Variants in GRM8 observed in about 807,000 individuals in gnomAD.
GRM8 encodes the protein glutamate metabotropic receptor 8.
GRM8 carries 47 observed loss-of-function variants against 87.2 expected under a neutral mutation model. The ratio of observed to expected loss-of-function variants is 0.54; its 90% CI spans 0.43 to 0.69. GRM8 has a LOEUF of 0.69. Among genes scored for constraint, GRM8 ranks in the 30% least tolerant of loss-of-function variants. The pLI is 0.00. For synonymous variants in GRM8, 396 were observed against 404.5 expected (o/e 0.98, Z 0.25); for missense variants, 1,019 against 1,139.2 (o/e 0.89, Z 1.52).
chr7:127,183,825 AT>A (rs1252761095), intron 2 of GRM8, among the ~76,000 whole-genome samples: 2 of 151,892 alleles, frequency 1.3e-5, no homozygotes, highest in African/African-American at 4.8e-5. Context: ...AATTACTAAT[AT>A]CAGAAATGAA....
intron 3 of GRM8, among the ~76,000 whole-genome samples, chr7:127,015,001 A>AAGAAGAAGAAG (rs1265203751): frequency 5.0e-5 from 3 of 59,654 alleles, no homozygotes; most frequent in African/African-American, 1.8e-4. Context: ...GAAGAAGAAG[A>AAGAAGAAGAAG]AAGAAGAAGA....
intron 2 of GRM8, among the ~76,000 whole-genome samples, chr7:127,115,958 A>C (rs1826674254): frequency 6.6e-6 from 1 of 152,132 alleles, no homozygotes. Flanking sequence ...TCTCTATAAA[A>C]CATTAAAAAA....
Position 126,752,499 on chromosome 7 carries a change from A to T in GRM8, c.1357+17366T>A, listed in dbSNP as rs188776037. Among the ~76,000 whole-genome samples the T allele has an allele frequency of 2.6e-5, 4 of 152,198 alleles. No individual in the cohort carries two copies. The East Asian group carries it at 7.7e-4, about 29-fold the overall frequency. Reference sequence around the variant, plus strand: ...ACACTTTAAAAATCAGTACTTCCTAACTACAGTAGGGTATAGTACAGACTC... The same window carrying T: ...ACACTTTAAAAATCAGTACTTCCTATCTACAGTAGGGTATAGTACAGACTC... On this transcript the variant is annotated intron_variant, in intron 7 of 10. Coordinates refer to ENST00000339582, the MANE Select transcript of GRM8 (RefSeq NM_000845.3).
intron 1 of GRM8, among the ~76,000 whole-genome samples, chr7:127,248,896 G>A (rs1373647884): frequency 6.6e-6 from 1 of 152,192 alleles, no homozygotes; most frequent in Non-Finnish European, 1.5e-5. Flanking sequence ...GACGCAAGAA[G>A]AAGTCAATGG....
chr7:126,846,424 T>C (rs986983063), intron 6 of GRM8, among the ~76,000 whole-genome samples: 3 of 152,250 alleles, frequency 2.0e-5, no homozygotes, highest in Admixed American at 1.3e-4. Context: ...AATGGTATCT[T>C]ACCTTTAGAA....
intron 2 of GRM8, among the ~76,000 whole-genome samples, chr7:127,209,140 C>T (rs1796074017): frequency 1.3e-5 from 2 of 152,202 alleles, no homozygotes; most frequent in African/African-American, 4.8e-5. Flanking sequence ...TCCCTTCTCT[C>T]TACCTCAACA....
rs564349035 is a variant in GRM8 at position 126,499,793 on chromosome 7, G to C, written c.2430+33159C>G. On this transcript the variant is annotated intron_variant, in intron 9 of 10. Transcript: ENST00000339582. ...GTAGAATGGTGGTTACCAGAGGCTG[G>C]GGGGAGGTGGGTGGATGGGGAAAAA... Among the ~76,000 whole-genome samples the C allele has an allele frequency of 1.3e-4, 19 of 151,996 alleles. 1 individual carries two copies. In the South Asian group the frequency reaches 2.5e-3, roughly 20 times the overall value.
At chr7:126,895,983 A>G (rs1419454) in intron 6 of GRM8, among the ~76,000 whole-genome samples, 104,247 of 136,096 alleles carry the variant, frequency 0.77, 40,478 homozygotes, top group East Asian at 0.97. Context: ...GTGGTAAAAT[A>G]TCTAATATAA....
intron 6 of GRM8, among the ~76,000 whole-genome samples, chr7:126,779,466 T>C (rs1210281654): frequency 6.6e-6 from 1 of 152,064 alleles, no homozygotes; most frequent in South Asian, 2.1e-4. Context: ...TTTTGAAAAA[T>C]TTCTGATTAG....
intron 8 of GRM8, among the ~76,000 whole-genome samples, chr7:126,537,708 C>T (rs555466773): frequency 2.2e-4 from 33 of 151,896 alleles, no homozygotes; most frequent in South Asian, 1.0e-3. Context: ...ACCCGGGAGG[C>T]GGAGCTTGCA....
At chr7:126,887,834 C>A (rs1379246911) in intron 6 of GRM8, among the ~76,000 whole-genome samples, 4 of 152,010 alleles carry the variant, frequency 2.6e-5, no homozygotes, top group Non-Finnish European at 5.9e-5. Context: ...CAGACTGGTC[C>A]CACAAAGAAA....
At chr7:127,011,270 A>G (rs1009907584) in intron 3 of GRM8, among the ~76,000 whole-genome samples, 2 of 152,146 alleles carry the variant, frequency 1.3e-5, no homozygotes, top group Non-Finnish European at 2.9e-5. Flanking sequence ...GCTGCCCCAG[A>G]AAAAGTAGTC....
intron 6 of GRM8, among the ~76,000 whole-genome samples, chr7:126,882,541 T>TA (rs900665448): frequency 4.6e-5 from 7 of 152,068 alleles, no homozygotes; most frequent in South Asian, 2.1e-4. Flanking sequence ...GACTCATCGC[T>TA]AAAAAAAACT....
chr7:126,903,066 G>A (rs1279941237), intron 5 of GRM8, among the ~76,000 whole-genome samples: 1 of 152,134 alleles, frequency 6.6e-6, no homozygotes, highest in African/African-American at 2.4e-5. Context: ...TTCCTAGCAT[G>A]GATCAATGTT....
At chr7:126,720,049 C>T (rs1812203710) in intron 7 of GRM8, among the ~76,000 whole-genome samples, 1 of 151,812 alleles carries the variant, frequency 6.6e-6, no homozygotes, top group Admixed American at 6.6e-5. Flanking sequence ...CCCTTTCTTA[C>T]TTGTCACTCC....
chr7:126,494,168 T>C (rs913455992), intron 9 of GRM8, among the ~76,000 whole-genome samples: 1 of 152,040 alleles, frequency 6.6e-6, no homozygotes, highest in South Asian at 2.1e-4. Context: ...ATATTAATTG[T>C]GCAATTGGTT....
chr7:126,745,691 T>C (rs1230714202), intron 7 of GRM8, among the ~76,000 whole-genome samples: 1 of 151,740 alleles, frequency 6.6e-6, no homozygotes, highest in Non-Finnish European at 1.5e-5. Flanking sequence ...AGCTTCATTC[T>C]TTTCTATTCT....
At chr7:126,962,608 T>C (rs1363606333) in intron 3 of GRM8, among the ~76,000 whole-genome samples, 3 of 152,218 alleles carry the variant, frequency 2.0e-5, no homozygotes, top group African/African-American at 4.8e-5. Flanking sequence ...CCTTAATTGA[T>C]TTATAGATAC....
intron 3 of GRM8, among the ~76,000 whole-genome samples, chr7:126,947,736 A>T (rs956586764): frequency 6.6e-6 from 1 of 152,124 alleles, no homozygotes; most frequent in African/African-American, 2.4e-5. Context: ...GTCTCCATAG[A>T]TTTCAGTGTC....
Sources: allele counts gnomAD v4.1 joint callset (sites outside exome capture counted in the v4.1 genomes callset), GRCh38; gene constraint gnomAD v4.1.1; transcripts MANE v1.5; gene names NCBI Gene and HGNC (gene_info 2026-07-23, HGNC 2026-07-21).